The following LRRC37A2 variants were observed in gnomAD, a reference collection of about 807,000 sequenced individuals.
The protein encoded by LRRC37A2 is leucine-rich repeat-containing protein 37A2.
Under a neutral mutation model 68.8 loss-of-function variants are expected in LRRC37A2, and 9 were observed. The observed-to-expected ratio is 0.13, with a 90% CI of 0.08 to 0.23. LRRC37A2 has a LOEUF of 0.23. LRRC37A2 is among the 10% of genes least tolerant of loss of function. The pLI is 1.00. For missense variants in LRRC37A2, 168 were observed against 950.4 expected (o/e 0.18, Z 10.82); for synonymous variants, 63 against 367.6 (o/e 0.17, Z 9.48).
the LRRC37A2 span, among the ~76,000 whole-genome samples, chr17:46,789,254 C>T: frequency 1.3e-5 from 2 of 152,216 alleles, no homozygotes; most frequent in Admixed American, 6.5e-5. Context: ...AGGGCTGGCA[C>T]CTACCTGGAC....
At chr17:46,841,572 G>T in the LRRC37A2 span, among the ~76,000 whole-genome samples, 6 of 152,208 alleles carry the variant, frequency 3.9e-5, no homozygotes, top group East Asian at 5.8e-4. Flanking sequence ...GCGTGGGGAC[G>T]CCCTGACGCA....
At chr17:46,953,655 G>A in the LRRC37A2 span, among the ~76,000 whole-genome samples, 1 of 152,204 alleles carries the variant, frequency 6.6e-6, no homozygotes, top group Non-Finnish European at 1.5e-5. Context: ...CTAGTTTACA[G>A]TCCCGCCAAC....
chr17:46,938,538 T>G, the LRRC37A2 span: 3 of 1,610,280 alleles, frequency 1.9e-6, no homozygotes, highest in Non-Finnish European at 2.5e-6. Context: ...CTGATGCCAT[T>G]CACCCACTCT....
chr17:46,919,614 C>T, the LRRC37A2 span, among the ~76,000 whole-genome samples: 7 of 152,152 alleles, frequency 4.6e-5, no homozygotes, highest in African/African-American at 9.6e-5. Flanking sequence ...TCCAACTACC[C>T]GCAGAATAAA....
chr17:46,862,925 G>A, the LRRC37A2 span, among the ~76,000 whole-genome samples: 1 of 152,214 alleles, frequency 6.6e-6, no homozygotes, highest in Non-Finnish European at 1.5e-5. Context: ...CAGTTGCTTG[G>A]CTGGTCCTCG....
At chr17:46,988,428 C>T in the LRRC37A2 span, among the ~76,000 whole-genome samples, 1 of 152,116 alleles carries the variant, frequency 6.6e-6, no homozygotes, top group Non-Finnish European at 1.5e-5. Flanking sequence ...GCACAAATTG[C>T]CAAAATTGCC....
At chr17:46,969,986 C>T in the LRRC37A2 span, among the ~76,000 whole-genome samples, 69 of 152,240 alleles carry the variant, frequency 4.5e-4, no homozygotes, top group African/African-American at 1.1e-3. Flanking sequence ...AAGCAGACAC[C>T]GGGGGTCAAA....
the LRRC37A2 span, chr17:46,769,699 G>A: frequency 4.5e-6 from 7 of 1,564,320 alleles, no homozygotes; most frequent in Non-Finnish European, 5.2e-6. Flanking sequence ...GCTGCCGGAA[G>A]GGGTGAGGTG....
chr17:46,955,333 T>C, the LRRC37A2 span, among the ~76,000 whole-genome samples: 6 of 152,170 alleles, frequency 3.9e-5, no homozygotes, highest in African/African-American at 1.4e-4. Context: ...GATTTTCGTA[T>C]GTTGAACCAG....
At chr17:46,834,157 T>A in the LRRC37A2 span, among the ~76,000 whole-genome samples, 1 of 152,178 alleles carries the variant, frequency 6.6e-6, no homozygotes, top group Non-Finnish European at 1.5e-5. Flanking sequence ...ATGGCACCAC[T>A]ACACTCCAGC....
the LRRC37A2 span, among the ~76,000 whole-genome samples, chr17:46,854,487 C>G: frequency 6.6e-6 from 1 of 152,040 alleles, no homozygotes; most frequent in African/African-American, 2.4e-5. Context: ...ATCTCTGGTC[C>G]AAAACTCACT....
chr17:46,872,118 G>C, the LRRC37A2 span, among the ~76,000 whole-genome samples: 2 of 152,136 alleles, frequency 1.3e-5, no homozygotes, highest in African/African-American at 4.8e-5. Context: ...CAAACTTCCC[G>C]GATCACAAAA....
the LRRC37A2 span, among the ~76,000 whole-genome samples, chr17:46,933,941 CAAAAA>C: frequency 6.9e-6 from 1 of 144,366 alleles, no homozygotes; most frequent in African/African-American, 2.5e-5. Flanking sequence ...GAGCCTGTCT[CAAAAA>C]AAAAAAAAAC....
chr17:46,726,782 G>T, the LRRC37A2 span, among the ~76,000 whole-genome samples: 1 of 152,182 alleles, frequency 6.6e-6, no homozygotes, highest in African/African-American at 2.4e-5. Context: ...TGACATCAAT[G>T]ATAGTATTCA....
chr17:46,928,087 A>G, the LRRC37A2 span, among the ~76,000 whole-genome samples: 1 of 151,824 alleles, frequency 6.6e-6, no homozygotes, highest in East Asian at 1.9e-4. Context: ...ACACCCCCGC[A>G]TCATCCCACA....
At chr17:47,042,154 A>T in the LRRC37A2 span, 21 of 144,192 alleles carry the variant, frequency 1.5e-4, 1 homozygote, top group Admixed American at 5.0e-4. Context: ...CAGACTAATT[A>T]ACTATTTAAT....
chr17:46,895,565 T>C, the LRRC37A2 span, among the ~76,000 whole-genome samples: 1 of 152,226 alleles, frequency 6.6e-6, no homozygotes, highest in African/African-American at 2.4e-5. Flanking sequence ...TGTCACTATT[T>C]GGTTCTCTCA....
chr17:46,761,999 C>A, the LRRC37A2 span, among the ~76,000 whole-genome samples: 1 of 152,248 alleles, frequency 6.6e-6, no homozygotes, highest in Non-Finnish European at 1.5e-5. Context: ...ACGCTTTCTT[C>A]TTGTAGACCA....
the LRRC37A2 span, among the ~76,000 whole-genome samples, chr17:46,746,901 A>G: frequency 1.3e-5 from 2 of 152,210 alleles, no homozygotes; most frequent in African/African-American, 4.8e-5. Flanking sequence ...GTGCCATACT[A>G]CAAAGAGGAT....
Sources: allele counts gnomAD v4.1 joint callset (sites outside exome capture counted in the v4.1 genomes callset), GRCh38; gene constraint gnomAD v4.1.1; transcripts MANE v1.5; gene names NCBI Gene and HGNC (gene_info 2026-07-23, HGNC 2026-07-21).